CSNK1G1: variants seen among roughly 807,000 people sequenced by gnomAD.
CSNK1G1 encodes casein kinase 1 gamma 1.
A neutral mutation model predicts 59.6 loss-of-function variants in CSNK1G1; 22 were observed. The observed-to-expected ratio is 0.37, with a 90% CI of 0.26 to 0.53. CSNK1G1 has a LOEUF of 0.53. CSNK1G1 is among the 20% of genes least tolerant of loss of function. CSNK1G1 has a pLI of 0.89. For missense variants in CSNK1G1, 384 were observed against 519.5 expected (o/e 0.74, Z 2.54); for synonymous variants, 179 against 177.1 (o/e 1.01, Z -0.08).
At chr15:64,211,415 G>C (rs1216662919) in intron 6 of CSNK1G1, among the ~76,000 whole-genome samples, 1 of 152,138 alleles carries the variant, frequency 6.6e-6, no homozygotes, top group Non-Finnish European at 1.5e-5. Flanking sequence ...CTGTAATGCA[G>C]AGAGCACAAA....
rs1201049605 is a variant in CSNK1G1, at chr15:64,210,638, G to A, written c.680-3044C>T. ...TTTAGGTTAAATATATTTGTTGAAGGCAGGGAGCAAGGTAACCCAGTGTTC... is the reference window on the plus strand; with the variant it reads ...TTTAGGTTAAATATATTTGTTGAAGACAGGGAGCAAGGTAACCCAGTGTTC... On this transcript the variant is annotated intron_variant, in intron 6 of 11. Transcript: ENST00000303052. This position sits in a 1 kb window ranked among gnomAD's most constrained non-coding sequence, Gnocchi z 4.2. Among the ~76,000 whole-genome samples the A allele has an allele frequency of 6.6e-6, 1 of 152,080 alleles. No homozygotes were observed. The highest frequency in any genetic ancestry group is 1.5e-5 in the Non-Finnish European group (1 of 67,994).
chr15:64,274,053 T>C (rs1171960052), intron 2 of CSNK1G1, among the ~76,000 whole-genome samples: 2 of 152,346 alleles, frequency 1.3e-5, no homozygotes, highest in African/African-American at 4.8e-5. Context: ...GACAAGCCTA[T>C]GTAACACCCA....
chr15:64,228,213 T>C (rs1289748704), intron 4 of CSNK1G1, among the ~76,000 whole-genome samples: 1 of 152,246 alleles, frequency 6.6e-6, no homozygotes, highest in Non-Finnish European at 1.5e-5. Context: ...GTCCCTGGTC[T>C]TGAACAGGAA....
intron 2 of CSNK1G1, among the ~76,000 whole-genome samples, chr15:64,269,613 CCTCCCGAGT>C (rs1893172726): frequency 6.6e-6 from 1 of 151,530 alleles, no homozygotes; most frequent in Non-Finnish European, 1.5e-5. Flanking sequence ...CCTGCCTCAG[CCTCCCGAGT>C]AGGTGGGATT....
chr15:64,194,713 A>C (rs2082018450), intron 10 of CSNK1G1, among the ~76,000 whole-genome samples: 1 of 151,880 alleles, frequency 6.6e-6, no homozygotes, highest in Non-Finnish European at 1.5e-5. Context: ...ACAGGGTTTC[A>C]CCATGTTGGT....
chr15:64,210,368 T>C lies in CSNK1G1; in HGVS notation c.680-2774A>G, dbSNP rs1427089603. ...CCTTTAGGGCCTTTCAGGAAAAAAATAAGAGTGAAAACCAGAGCATGCTTT... is the reference window on the plus strand; with the variant it reads ...CCTTTAGGGCCTTTCAGGAAAAAAACAAGAGTGAAAACCAGAGCATGCTTT... On this transcript the variant is annotated intron_variant, in intron 6 of 11. Coordinates refer to ENST00000303052, the MANE Select transcript of CSNK1G1 (RefSeq NM_022048.5). The surrounding 1 kb of genome is among the most constrained non-coding windows in gnomAD (Gnocchi z 4.2). Among the ~76,000 whole-genome samples the C allele has an allele frequency of 6.6e-6, 1 of 152,050 alleles. No homozygotes were observed. The highest frequency in any genetic ancestry group is 1.9e-4 in the East Asian group (1 of 5,188).
At chr15:64,277,963 A>G (rs1893832179) in intron 2 of CSNK1G1, among the ~76,000 whole-genome samples, 1 of 145,854 alleles carries the variant, frequency 6.9e-6, no homozygotes, top group South Asian at 2.1e-4. Context: ...ATAGTTGAAT[A>G]ATATATTAAT....
chr15:64,310,698 C>T (rs943735409), intron 1 of CSNK1G1, among the ~76,000 whole-genome samples: 13 of 151,814 alleles, frequency 8.6e-5, no homozygotes. Flanking sequence ...GACAGAGAAA[C>T]ACTCTGTCTC....
At chr15:64,270,077 G>A (rs1948428470) in intron 2 of CSNK1G1, among the ~76,000 whole-genome samples, 1 of 152,148 alleles carries the variant, frequency 6.6e-6, no homozygotes, top group Non-Finnish European at 1.5e-5. Flanking sequence ...CTAAATGCTG[G>A]GATTATAGGC....
chr15:64,307,193 G>A (rs1432572060), intron 1 of CSNK1G1, among the ~76,000 whole-genome samples: 2 of 151,984 alleles, frequency 1.3e-5, no homozygotes, highest in African/African-American at 4.8e-5. Context: ...TACAAATGTA[G>A]CATAGTAATG....
At chr15:64,175,137 G>C (rs1045221951) in intron 11 of CSNK1G1, among the ~76,000 whole-genome samples, 2 of 151,824 alleles carry the variant, frequency 1.3e-5, no homozygotes, top group Admixed American at 6.6e-5. Flanking sequence ...GGATTACACA[G>C]ACACATGTTT....
intron 7 of CSNK1G1, among the ~76,000 whole-genome samples, chr15:64,205,281 T>G (rs565471144): frequency 6.6e-6 from 1 of 152,290 alleles, no homozygotes; most frequent in Admixed American, 6.5e-5. Flanking sequence ...TAATATCCCA[T>G]GGCCACCATA....
intron 2 of CSNK1G1, among the ~76,000 whole-genome samples, chr15:64,299,540 C>T (rs866439004): frequency 2.3e-4 from 34 of 150,254 alleles, no homozygotes; most frequent in African/African-American, 7.1e-4. Context: ...TGCAGTGAGC[C>T]GAGATCGCGC....
intron 1 of CSNK1G1, among the ~76,000 whole-genome samples, chr15:64,304,750 CA>C (rs1895572690): frequency 1.3e-5 from 2 of 152,254 alleles, no homozygotes; most frequent in Admixed American, 1.3e-4. Context: ...ATTTCAAAGT[CA>C]AAACACCCTG....
intron 4 of CSNK1G1, among the ~76,000 whole-genome samples, chr15:64,238,517 A>ATT (rs1364398363): frequency 9.0e-6 from 1 of 111,450 alleles, no homozygotes; most frequent in Non-Finnish European, 1.7e-5. Context: ...AAAAAAAAAA[A>ATT]AATATATATA....
chr15:64,218,763 C>G (rs914642904), intron 4 of CSNK1G1, among the ~76,000 whole-genome samples: 1 of 151,830 alleles, frequency 6.6e-6, no homozygotes, highest in Non-Finnish European at 1.5e-5. Flanking sequence ...TATGTTACTC[C>G]TGCTAGTTCA....
chr15:64,248,859 G>A (rs1488513192), intron 4 of CSNK1G1, among the ~76,000 whole-genome samples: 17 of 148,786 alleles, frequency 1.1e-4, no homozygotes, highest in Admixed American at 6.7e-4. Flanking sequence ...GGTGGCTCAC[G>A]CCTGTAATCC....
At chr15:64,182,762 T>A (rs1438062998) in intron 10 of CSNK1G1, among the ~76,000 whole-genome samples, 2 of 152,194 alleles carry the variant, frequency 1.3e-5, no homozygotes. Context: ...ATCTTAATAA[T>A]TCGTTCAGCA....
chr15:64,300,428 G>A lies in CSNK1G1; in HGVS notation c.72C>T (p.His24=). 6.2e-7 allele frequency: 1 copy of A among 1,614,146 alleles called. No individual in the cohort carries two copies. Among genetic ancestry groups the A allele is most frequent in the African/African-American group, 1.3e-5 (1 of 75,048 alleles). Residue 24 remains histidine (H), a synonymous_variant, in exon 2 of 12, where the codon CAC becomes CAT. Transcript: ENST00000303052. ...ATGAGGAGCCAGATGGTCGAGAGCAGTGTGCACTCCTTTGTGCCATGGGTT... is the reference window on the plus strand; with the variant it reads ...ATGAGGAGCCAGATGGTCGAGAGCAATGTGCACTCCTTTGTGCCATGGGTT... The part of the protein sequence containing the change: ...TTKPMAQRSA[H]CSRPSGSSSS...
Sources: gnomAD v4.1 joint callset for allele counts (sites outside exome capture counted in the v4.1 genomes callset) on GRCh38, gnomAD v4.1.1 for gene constraint, Gnocchi (gnomAD v3.1) non-coding constraint, MANE v1.5 for transcripts, NCBI Gene and HGNC (gene_info 2026-07-23, HGNC 2026-07-21) for gene names.